PARM1: variants seen among roughly 807,000 people sequenced by gnomAD.
The protein encoded by PARM1 is prostate androgen-regulated mucin-like protein 1.
Under a neutral mutation model 24.6 loss-of-function variants are expected in PARM1, and 14 were observed. The observed-to-expected ratio is 0.57, with a 90% CI of 0.38 to 0.89. PARM1 has a LOEUF of 0.89. Ranked by LOEUF, PARM1 falls within the 40% of genes least tolerant of loss-of-function variation. The pLI is 0.00. For synonymous variants in PARM1, 179 were observed against 156.6 expected, an observed-to-expected ratio of 1.14 and a Z score of -1.07; for missense variants, 362 against 380.4, an observed-to-expected ratio of 0.95 and a Z score of 0.40.
At chr4:74,979,887 T>C (rs1011397196) in intron 1 of PARM1, among the ~76,000 whole-genome samples, 1 of 152,130 alleles carries the variant, frequency 6.6e-6, no homozygotes, top group Non-Finnish European at 1.5e-5. Flanking sequence ...TCTCACTAGA[T>C]GGAGAAAAAG....
At chr4:74,981,468 T>C (rs1043496972) in intron 1 of PARM1, among the ~76,000 whole-genome samples, 15 of 152,042 alleles carry the variant, frequency 9.9e-5, no homozygotes, top group African/African-American at 3.6e-4. Flanking sequence ...TATTAAAAGG[T>C]CAAGAAACGA....
Position 74,933,337 on chromosome 4 carries a change from A to G in PARM1, c.10A>G (p.Lys4Glu). 6.2e-7 allele frequency: 1 copy of G among 1,612,456 alleles called. No homozygotes were observed. The highest frequency in any genetic ancestry group is 8.5e-7 in the Non-Finnish European group (1 of 1,179,412). MVY[K>E]TLFALCILTA... ...CAAATACCAGGCTACCATGGTCTAC[A>G]AGACTCTCTTCGCTCTTTGCATCTT... Residue 4 changes from lysine (K) to glutamate (E), a missense_variant, in exon 1 of 4, where the codon AAG becomes GAG. Physicochemically the swap from Lys to Glu is moderately conservative, Grantham distance 56. Transcript: ENST00000307428.
At chr4:74,944,878 T>C (rs1721381497) in intron 1 of PARM1, among the ~76,000 whole-genome samples, 1 of 152,120 alleles carries the variant, frequency 6.6e-6, no homozygotes, top group Non-Finnish European at 1.5e-5. Context: ...TACACAGAAA[T>C]AGATAAGAAT....
chr4:75,022,687 A>G (rs1723109494), intron 2 of PARM1, among the ~76,000 whole-genome samples: 1 of 152,194 alleles, frequency 6.6e-6, no homozygotes, highest in South Asian at 2.1e-4. Flanking sequence ...TACAGCTGAT[A>G]CCATTAATAT....
intron 1 of PARM1, among the ~76,000 whole-genome samples, chr4:74,937,801 T>G (rs918940548): frequency 6.6e-6 from 1 of 152,236 alleles, no homozygotes; most frequent in East Asian, 1.9e-4. Flanking sequence ...TCCAGTGCAG[T>G]GCCAGCTGTT....
intron 2 of PARM1, among the ~76,000 whole-genome samples, chr4:75,020,009 CAAAAAAAAAAAAAAAAA>C (rs1161399344): frequency 6.4e-5 from 2 of 31,044 alleles, no homozygotes; most frequent in Non-Finnish European, 1.1e-4. Flanking sequence ...GACTCCGTCT[CAAAAAAAAAAAAAAAAA>C]AAAAAAAAAA....
At chr4:75,005,716 C>A (rs923865688) in intron 1 of PARM1, among the ~76,000 whole-genome samples, 4 of 152,224 alleles carry the variant, frequency 2.6e-5, no homozygotes, top group African/African-American at 7.2e-5. Context: ...CACGTGGAAA[C>A]ATATAGTTTT....
Position 75,046,976 on chromosome 4 carries a change from G to C in PARM1, c.*729G>C, listed in dbSNP as rs1282345977. On this transcript the variant is annotated 3_prime_UTR_variant, in exon 4 of 4. Transcript: ENST00000307428. ...GTCTGCTCTGTTCAAAAGGCAGCTG[G>C]GATCCCAGCCCACAAGTGATCAGCA... is the stretch of plus-strand genomic sequence containing the variant. 1.3e-5 allele frequency: 2 copies of C among 152,348 alleles called. No individual in the cohort carries two copies. The highest frequency in any genetic ancestry group is 4.8e-5 in the African/African-American group (2 of 41,440). 9.4% of individuals were successfully genotyped at this position (152,348 alleles called of 1,614,324 possible).
intron 2 of PARM1, among the ~76,000 whole-genome samples, chr4:75,022,684 G>C (rs1291362370): frequency 6.6e-6 from 1 of 152,158 alleles, no homozygotes; most frequent in Non-Finnish European, 1.5e-5. Flanking sequence ...AGATACAGCT[G>C]ATACCATTAA....
intron 1 of PARM1, among the ~76,000 whole-genome samples, chr4:75,001,866 C>A (rs574112438): frequency 1.4e-4 from 21 of 152,192 alleles, no homozygotes; most frequent in Non-Finnish European, 2.5e-4. Flanking sequence ...TGCACTGGAA[C>A]CATCTCTGTC....
intron 1 of PARM1, among the ~76,000 whole-genome samples, chr4:74,979,498 T>C (rs1287652591): frequency 1.3e-5 from 2 of 152,000 alleles, no homozygotes; most frequent in African/African-American, 4.8e-5. Flanking sequence ...AAGCTCATGA[T>C]CAGACAGATT....
intron 1 of PARM1, among the ~76,000 whole-genome samples, chr4:74,946,194 A>G (rs936714744): frequency 1.3e-5 from 2 of 152,218 alleles, no homozygotes; most frequent in African/African-American, 4.8e-5. Context: ...ATCACACAGT[A>G]GATAAGTAAC....
chr4:75,042,284 A>G (rs755361247), intron 3 of PARM1, among the ~76,000 whole-genome samples: 3 of 152,232 alleles, frequency 2.0e-5, no homozygotes, highest in Non-Finnish European at 4.4e-5. Flanking sequence ...GAAGTTTACC[A>G]TCTAAGCGGA....
intron 1 of PARM1, among the ~76,000 whole-genome samples, chr4:74,958,514 T>G (rs771170750): frequency 2.6e-5 from 4 of 152,084 alleles, no homozygotes; most frequent in Non-Finnish European, 5.9e-5. Context: ...AATGAAAAGC[T>G]GGGGGTAGAG....
At chr4:75,003,586 A>G (rs1158551986) in intron 1 of PARM1, among the ~76,000 whole-genome samples, 2 of 152,180 alleles carry the variant, frequency 1.3e-5, no homozygotes, top group Admixed American at 1.3e-4. Flanking sequence ...TGGCTTTCCT[A>G]CTTCAAGCAA....
rs1258534289 is a variant in PARM1, at chr4:75,033,884, C to G, written c.771C>G (p.Gly257=). The G allele has an allele frequency of 6.3e-7, 1 of 1,595,264 alleles. No homozygotes were observed. The highest frequency in any genetic ancestry group is 1.3e-5 in the African/African-American group (1 of 74,586). ...MQEVEHALSS[G]SIAAITVTVI... is the part of the protein sequence containing the mutation. ...TTCTGTGCCCTTCCTCCTTCACAGGCAGCATCGCCGCCATTACCGTGACAG... is the reference window on the plus strand; with the variant it reads ...TTCTGTGCCCTTCCTCCTTCACAGGGAGCATCGCCGCCATTACCGTGACAG... Residue 257 remains glycine, a splice_region_variant and synonymous_variant, in exon 3 of 4, where the codon GGC becomes GGG. Transcript: ENST00000307428.
At chr4:74,989,686 AG>A (rs1036439354) in intron 1 of PARM1, among the ~76,000 whole-genome samples, 1 of 152,152 alleles carries the variant, frequency 6.6e-6, no homozygotes, top group African/African-American at 2.4e-5. Context: ...GTTTTAGAGT[AG>A]GGCTGAAAAT....
intron 2 of PARM1, among the ~76,000 whole-genome samples, chr4:75,031,640 T>C (rs934295870): frequency 1.3e-5 from 2 of 152,196 alleles, no homozygotes; most frequent in Admixed American, 6.5e-5. Flanking sequence ...ACCCAACTGC[T>C]TAAAGTTAGA....
intron 1 of PARM1, among the ~76,000 whole-genome samples, chr4:75,011,494 G>A (rs764314830): frequency 5.9e-5 from 9 of 152,080 alleles, no homozygotes; most frequent in Non-Finnish European, 1.3e-4. Flanking sequence ...GGGGTATGGG[G>A]AGGCAATCAA....
Sources: allele counts gnomAD v4.1 joint callset (sites outside exome capture counted in the v4.1 genomes callset), GRCh38; gene constraint gnomAD v4.1.1; transcripts MANE v1.5; gene names NCBI Gene and HGNC (gene_info 2026-07-23, HGNC 2026-07-21).